The following KLHL29 variants were observed in gnomAD, a reference collection of about 807,000 sequenced individuals.
KLHL29 encodes kelch-like protein 29.
KLHL29 carries 21 observed loss-of-function variants against 80.4 expected under a neutral mutation model. The ratio of observed to expected loss-of-function variants is 0.26; its 90% CI spans 0.19 to 0.38. The LOEUF is 0.38. Among genes scored for constraint, KLHL29 ranks in the 10% least tolerant of loss-of-function variants. The probability of loss-of-function intolerance (pLI) is 1.00; values close to 1 mark genes in which losing one functional copy is unlikely to be tolerated. For synonymous variants in KLHL29, 511 were observed against 526.8 expected, an observed-to-expected ratio of 0.97 and a Z score of 0.41; for missense variants, 867 against 1,223.9, an observed-to-expected ratio of 0.71 and a Z score of 4.35.
chr2:23,571,193 CTA>C (rs1239231115), intron 3 of KLHL29, among the ~76,000 whole-genome samples: 1 of 152,240 alleles, frequency 6.6e-6, no homozygotes, highest in Non-Finnish European at 1.5e-5. Flanking sequence ...GATTCTTCAC[CTA>C]CTACTTAAAG....
At chr2:23,451,669 G>A (rs1305447686) in intron 1 of KLHL29, among the ~76,000 whole-genome samples, 3 of 152,194 alleles carry the variant, frequency 2.0e-5, no homozygotes, top group Non-Finnish European at 2.9e-5. Flanking sequence ...GGTGGGAGAC[G>A]GAGGGATTTT....
chr2:23,492,515 AT>A (rs1278550133), intron 2 of KLHL29, among the ~76,000 whole-genome samples: 1 of 152,172 alleles, frequency 6.6e-6, no homozygotes, highest in Non-Finnish European at 1.5e-5. Flanking sequence ...CTACTCTTCC[AT>A]TGGCTGGCAG....
intron 3 of KLHL29, among the ~76,000 whole-genome samples, chr2:23,613,838 A>C (rs1358870766): frequency 6.6e-6 from 1 of 151,520 alleles, no homozygotes; most frequent in African/African-American, 2.4e-5. Context: ...GTACGCATCC[A>C]AGAACTGTGA....
At chr2:23,600,474 G>C (rs936535994) in intron 3 of KLHL29, among the ~76,000 whole-genome samples, 1 of 152,216 alleles carries the variant, frequency 6.6e-6, no homozygotes, top group Non-Finnish European at 1.5e-5. Context: ...GGCACTGGGT[G>C]TTCGCAGCTC....
chr2:23,513,390 T>C (rs1665830916), intron 2 of KLHL29, among the ~76,000 whole-genome samples: 1 of 152,216 alleles, frequency 6.6e-6, no homozygotes, highest in Admixed American at 6.5e-5. Flanking sequence ...CTGAGCCAGT[T>C]TGAAAATGCC....
intron 1 of KLHL29, among the ~76,000 whole-genome samples, chr2:23,393,917 G>A (rs1031781177): frequency 3.3e-5 from 5 of 152,140 alleles, no homozygotes; most frequent in African/African-American, 1.2e-4. Flanking sequence ...TTCCCCCTGG[G>A]CTTGTCTCTA....
At chr2:23,478,070 A>G (rs563578234) in intron 2 of KLHL29, among the ~76,000 whole-genome samples, 1 of 152,200 alleles carries the variant, frequency 6.6e-6, no homozygotes, top group South Asian at 2.1e-4. Context: ...GTGGGCCTCT[A>G]TCTCTGTGCC....
At chr2:23,487,802 G>A (rs1206507532) in intron 2 of KLHL29, among the ~76,000 whole-genome samples, 2 of 152,180 alleles carry the variant, frequency 1.3e-5, no homozygotes, top group African/African-American at 4.8e-5. Flanking sequence ...AAACAGAACT[G>A]CCCTGAGTTG....
intron 2 of KLHL29, among the ~76,000 whole-genome samples, chr2:23,502,495 G>C (rs555562942): frequency 6.6e-6 from 1 of 152,230 alleles, no homozygotes. Flanking sequence ...TGGCCCCTAA[G>C]GGGGAGGACA....
chr2:23,606,556 T>A (rs1160979119), intron 3 of KLHL29, among the ~76,000 whole-genome samples: 1 of 152,236 alleles, frequency 6.6e-6, no homozygotes, highest in African/African-American at 2.4e-5. Flanking sequence ...AAAGGATCAC[T>A]TTATGAAATT....
chr2:23,415,148 CCTATGGGTCACCAGTTT>C (rs1159556928), intron 1 of KLHL29, among the ~76,000 whole-genome samples: 9 of 152,214 alleles, frequency 5.9e-5, no homozygotes, highest in Non-Finnish European at 1.3e-4. Flanking sequence ...TCTCCCCACT[CCTATGGGTCACCAGTTT>C]CTGATATAAA....
intron 3 of KLHL29, among the ~76,000 whole-genome samples, chr2:23,584,840 G>A (rs1481200075): frequency 4.6e-5 from 7 of 152,280 alleles, no homozygotes; most frequent in East Asian, 1.9e-4. Context: ...AGGTTCAAGC[G>A]GTTCTCCTGC....
intron 2 of KLHL29, among the ~76,000 whole-genome samples, chr2:23,489,856 C>T (rs978102519): frequency 6.6e-6 from 1 of 152,068 alleles, no homozygotes; most frequent in Non-Finnish European, 1.5e-5. Context: ...CACATCAGGT[C>T]CTAAGGGAGA....
At position 23,708,577 on chromosome 2, in the gene KLHL29, T is replaced by C. The variant is rs1452907181; in HGVS notation, c.*1913T>C. On this transcript the variant is annotated 3_prime_UTR_variant, in exon 14 of 14. Coordinates refer to ENST00000486442, the MANE Select transcript of KLHL29 (RefSeq NM_052920.2). ...TATGTTTACTGTTAAGTTCTTGTTATATTATAATAAATATATTTATAGATC... is the reference window on the plus strand; with the variant it reads ...TATGTTTACTGTTAAGTTCTTGTTACATTATAATAAATATATTTATAGATC... 1.3e-5 allele frequency: 2 copies of C among 152,216 alleles called. No homozygotes were observed. Among genetic ancestry groups the C allele is most frequent in the Non-Finnish European group, 2.9e-5 (2 of 68,038 alleles). The allele number at this position is 152,216 out of a possible 1,614,324, so 9.4% of individuals were successfully genotyped here. A position where few individuals can be genotyped will look rare whatever the true frequency, so the allele number is the denominator to read the frequency against.
chr2:23,689,761 C>A (rs747279915), intron 6 of KLHL29: 1 of 152,266 alleles, frequency 6.6e-6, no homozygotes, highest in African/African-American at 2.4e-5. Flanking sequence ...GACAGGAGTA[C>A]GAGGTTGACC....
chr2:23,491,044 CT>C (rs889085337), intron 2 of KLHL29, among the ~76,000 whole-genome samples: 2 of 152,092 alleles, frequency 1.3e-5, no homozygotes, highest in African/African-American at 4.8e-5. Context: ...TGGTGGTTTG[CT>C]GCACCTATCA....
At chr2:23,619,161 T>G (rs1286295912) in intron 3 of KLHL29, among the ~76,000 whole-genome samples, 1 of 152,188 alleles carries the variant, frequency 6.6e-6, no homozygotes, top group Non-Finnish European at 1.5e-5. Flanking sequence ...CACTCCTTGC[T>G]CACCCCCTGC....
At chr2:23,653,114 G>A (rs1048916985) in intron 5 of KLHL29, among the ~76,000 whole-genome samples, 8 of 152,134 alleles carry the variant, frequency 5.3e-5, no homozygotes, top group South Asian at 2.1e-4. Flanking sequence ...CGTCTGCTCC[G>A]TTCAAACCCT....
chr2:23,395,884 G>T (rs1666441129), intron 1 of KLHL29, among the ~76,000 whole-genome samples: 1 of 152,234 alleles, frequency 6.6e-6, no homozygotes, highest in Non-Finnish European at 1.5e-5. Context: ...GTTACCAGGA[G>T]AGCCGCCTAT....
Sources: allele counts gnomAD v4.1 joint callset (sites outside exome capture counted in the v4.1 genomes callset), GRCh38; gene constraint gnomAD v4.1.1; transcripts MANE v1.5; gene names NCBI Gene and HGNC (gene_info 2026-07-23, HGNC 2026-07-21).